Variants in ADGRL2 observed in about 807,000 individuals in gnomAD.
ADGRL2 encodes the protein calcium-independent alpha-latrotoxin receptor 2.
In ADGRL2, 44 loss-of-function variants were observed where a neutral mutation model predicts 157.4. The observed-to-expected ratio is 0.28, with a 90% CI of 0.22 to 0.36. The LOEUF is 0.36. Ranked by LOEUF, ADGRL2 falls within the 10% of genes least tolerant of loss-of-function variation. ADGRL2 has a pLI of 1.00. For missense variants in ADGRL2, 1,510 were observed against 1,768.9 expected (o/e 0.85, Z 2.63); for synonymous variants, 585 against 624.7 (o/e 0.94, Z 0.95).
In ADGRL2 at chr1:81,943,343, T is replaced by C. The variant is rs1446301500; in HGVS notation, c.784T>C (p.Trp262Arg). 1 of 1,613,498 alleles carries C rather than the reference T, an allele frequency of 6.2e-7. No homozygotes were observed. Residue 262 changes from tryptophan (W) to arginine (R), a missense_variant, in exon 6 of 24, where the codon TGG becomes CGG. Trp to Arg is a moderately radical substitution (Grantham distance 101). This residue lies in a region of ADGRL2 where 361 missense variants were observed against 498.4 expected (regional missense o/e 0.72). Coordinates refer to ENST00000686636, the MANE Select transcript of ADGRL2 (RefSeq NM_001366006.2). This position sits in a 1 kb window ranked among gnomAD's most constrained non-coding sequence, Gnocchi z 5.6. ...ANYHDTSPYR[W>R]GGKTDIDLAV... ...CTACCATGATACCTCACCATACAGA[T>C]GGGGAGGAAAGACTGATATCGACCT... is the stretch of plus-strand genomic sequence containing the variant.
rs2077002342 is a variant in ADGRL2, at chr1:81,414,573, G to T, written c.-301-30463G>T. Among the ~76,000 whole-genome samples the T allele has an allele frequency of 2.0e-5, 3 of 152,190 alleles. No individual in the cohort carries two copies. In the South Asian group the frequency reaches 6.2e-4, roughly 31 times the overall value. The stretch of plus-strand genomic sequence containing the variant: ...AGGGAGGCTGGAAGGATGGCCAGGT[G>T]CCCTGGACACTGCCGCCGTGATACG... On this transcript the variant is annotated intron_variant, in intron 1 of 24. Transcript: ENST00000370721.
chr1:81,390,083 G>A (rs2076506254), intron 1 of ADGRL2, among the ~76,000 whole-genome samples: 2 of 17,634 alleles, frequency 1.1e-4, no homozygotes, highest in African/African-American at 2.8e-4. Flanking sequence ...GCTGGTGAGT[G>A]GTAGACCACT....
At chr1:81,485,916 C>G (rs1200146617) in intron 2 of ADGRL2, among the ~76,000 whole-genome samples, 1 of 152,168 alleles carries the variant, frequency 6.6e-6, no homozygotes, top group East Asian at 1.9e-4. Flanking sequence ...TCCACAAGAT[C>G]AGACATCTAC....
chr1:81,918,433 G>A (rs2094908508), intron 3 of ADGRL2, among the ~76,000 whole-genome samples: 1 of 151,992 alleles, frequency 6.6e-6, no homozygotes, highest in Non-Finnish European at 1.5e-5. Context: ...TTCATAGATA[G>A]CTAATCCAAA....
At chr1:81,662,961 C>CT (rs1557547018) in intron 3 of ADGRL2, among the ~76,000 whole-genome samples, 1 of 152,086 alleles carries the variant, frequency 6.6e-6, no homozygotes, top group African/African-American at 2.4e-5. Context: ...CAGAAAGCCA[C>CT]GCACCAGAGA....
At chr1:81,801,827 C>T (rs2088209272) in intron 1 of ADGRL2, among the ~76,000 whole-genome samples, 1 of 152,220 alleles carries the variant, frequency 6.6e-6, no homozygotes, top group African/African-American at 2.4e-5. Context: ...AGTCTGCGCA[C>T]CTCTGTCAGG....
At chr1:81,540,327 G>T (rs890031013) in intron 2 of ADGRL2, among the ~76,000 whole-genome samples, 1 of 152,074 alleles carries the variant, frequency 6.6e-6, no homozygotes, top group Non-Finnish European at 1.5e-5. Context: ...TTAGATTTTT[G>T]TCATAATGCT....
At chr1:81,891,701 G>C (rs1057226247) in intron 2 of ADGRL2, among the ~76,000 whole-genome samples, 1 of 151,760 alleles carries the variant, frequency 6.6e-6, no homozygotes, top group African/African-American at 2.4e-5. Flanking sequence ...TACTCGTTTA[G>C]ACAGCTGATC....
intron 19 of ADGRL2, among the ~76,000 whole-genome samples, chr1:81,982,856 T>C (rs2149459820): frequency 6.6e-6 from 1 of 152,092 alleles, no homozygotes; most frequent in Middle Eastern, 3.4e-3. Flanking sequence ...TGGAAGGTAT[T>C]ATTTGGATAA....
intron 1 of ADGRL2, among the ~76,000 whole-genome samples, chr1:81,366,660 CTG>C (rs1364917212): frequency 6.6e-6 from 1 of 152,164 alleles, no homozygotes; most frequent in Non-Finnish European, 1.5e-5. Flanking sequence ...CACATGTAAA[CTG>C]TGAATTTAGC....
chr1:81,722,137 TA>T (rs2084349781), intron 1 of ADGRL2: 1 of 357,926 alleles, frequency 2.8e-6, no homozygotes, highest in South Asian at 2.3e-5. Flanking sequence ...CTAAAAAATA[TA>T]AAAAATTAGC....
intron 1 of ADGRL2, among the ~76,000 whole-genome samples, chr1:81,322,343 A>G (rs1317142676): frequency 6.6e-6 from 1 of 151,976 alleles, no homozygotes; most frequent in Non-Finnish European, 1.5e-5. Context: ...TACACATGAA[A>G]CAAACCTTAA....
At chr1:81,651,821 A>C (rs138286884) in intron 3 of ADGRL2, among the ~76,000 whole-genome samples, 361 of 151,938 alleles carry the variant, frequency 2.4e-3, no homozygotes, top group African/African-American at 8.3e-3. Flanking sequence ...GTAACCTCCA[A>C]CTCCTGGGTT....
chr1:81,386,490 C>T (rs1051771062), intron 1 of ADGRL2, among the ~76,000 whole-genome samples: 2 of 152,140 alleles, frequency 1.3e-5, no homozygotes, highest in African/African-American at 4.8e-5. Context: ...GATGAATATA[C>T]TGTTACTCAC....
intron 3 of ADGRL2, among the ~76,000 whole-genome samples, chr1:81,652,219 C>T (rs2082435638): frequency 6.6e-6 from 1 of 152,150 alleles, no homozygotes; most frequent in Admixed American, 6.6e-5. Context: ...CAATTGTTCT[C>T]CAAATAAACT....
At chr1:81,367,881 T>C (rs1416077764) in intron 1 of ADGRL2, among the ~76,000 whole-genome samples, 1 of 152,182 alleles carries the variant, frequency 6.6e-6, no homozygotes, top group African/African-American at 2.4e-5. Context: ...GGCTGCATAG[T>C]ATTCCATGGT....
chr1:81,494,278 A>G (rs1431887453), intron 2 of ADGRL2, among the ~76,000 whole-genome samples: 1 of 152,162 alleles, frequency 6.6e-6, no homozygotes, highest in East Asian at 1.9e-4. Context: ...AAACTGAAAC[A>G]AGATAATGTG....
Position 81,884,720 on chromosome 1 carries a change from C to T in ADGRL2, c.74-22297C>T, listed in dbSNP as rs187635566. Among the ~76,000 whole-genome samples, 161 of 152,258 alleles carry T rather than the reference C, an allele frequency of 1.1e-3. 1 individual carries two copies. Among genetic ancestry groups the T allele is most frequent in the Non-Finnish European group, 1.9e-3 (131 of 68,024 alleles). On this transcript the variant is annotated intron_variant, in intron 2 of 23. Transcript: ENST00000686636. ...GAGGAACCTGATACGAATGTGACCC[C>T]ATACTGAGTTTAAGTAAATAAAACA...
At chr1:81,448,407 A>C (rs2077641738) in intron 2 of ADGRL2, among the ~76,000 whole-genome samples, 1 of 151,892 alleles carries the variant, frequency 6.6e-6, no homozygotes, top group Non-Finnish European at 1.5e-5. Context: ...CGGCCTCCCA[A>C]AGTGCTGTGA....
Sources: gnomAD v4.1 joint callset for allele counts (sites outside exome capture counted in the v4.1 genomes callset) on GRCh38, gnomAD v4.1.1 for gene constraint, gnomAD v4.1.1 regional missense constraint, Gnocchi (gnomAD v3.1) non-coding constraint, MANE v1.5 for transcripts, NCBI Gene and HGNC (gene_info 2026-07-23, HGNC 2026-07-21) for gene names.